Variants in AKAP17A observed in about 807,000 individuals in gnomAD.
AKAP17A encodes the protein A-kinase anchoring protein 17A.
Under a neutral mutation model 52.2 loss-of-function variants are expected in AKAP17A, and 15 were observed. That is an observed-to-expected ratio of 0.29 (90% CI 0.19 to 0.44). The LOEUF is 0.44. Ranked by LOEUF, AKAP17A falls within the 20% of genes least tolerant of loss-of-function variation. AKAP17A has a pLI of 1.00. For synonymous variants in AKAP17A, 514 were observed against 424.7 expected, an observed-to-expected ratio of 1.21 and a Z score of -2.58; for missense variants, 1,060 against 1,007.0, an observed-to-expected ratio of 1.05 and a Z score of -0.71.
At position 1,601,475 on chromosome X, in the gene AKAP17A, AGGGAGCGGAGCC is replaced by A. The variant is rs746371040; in HGVS notation, c.1980_1991del (p.Ser660_Arg663del). The A allele has an allele frequency of 4.5e-6, 7 of 1,569,220 alleles. No individual in the cohort carries two copies. Among genetic ancestry groups the A allele is most frequent in the Non-Finnish European group, 5.1e-6 (6 of 1,165,794 alleles). On this transcript the variant is annotated inframe_deletion, in exon 5 of 5. Transcript: ENST00000313871. ...GTCCCACAGCAAAGACAGGCACCGG[AGGGAGCGGAGCC>A]GGGAGCGGAGGGGCAGCGCCAGCAG...
intron 3 of AKAP17A, among the ~76,000 whole-genome samples, 173 bp from the exon 4 acceptor site, chrX:1,599,019 C>G (rs1420818259): frequency 6.6e-6 from 1 of 152,186 alleles, no homozygotes; most frequent in Non-Finnish European, 1.5e-5. Flanking sequence ...CCGGCTCACT[C>G]CTTCCACCTC....
At chrX:1,598,922 G>T (rs1389570155) in intron 3 of AKAP17A, among the ~76,000 whole-genome samples, 2 of 152,184 alleles carry the variant, frequency 1.3e-5, no homozygotes, top group East Asian at 3.9e-4. Context: ...TTTTGATGTG[G>T]TCGGTCCAGT....
intron 3 of AKAP17A, among the ~76,000 whole-genome samples, chrX:1,597,929 C>T (rs1174648214): frequency 2.0e-5 from 3 of 152,130 alleles, no homozygotes; most frequent in East Asian, 1.9e-4. Flanking sequence ...GGGCTCCACA[C>T]GCAGGGCCGT....
chrX:1,599,060 C>T (rs1297989255), intron 3 of AKAP17A, 132 bp from the exon 4 acceptor site: 3 of 1,420,932 alleles, frequency 2.1e-6, no homozygotes, highest in African/African-American at 2.9e-5. Context: ...CGAGGTCCAC[C>T]TTGGGATAAA....
At position 1,593,505 on chromosome X, in the gene AKAP17A, G is replaced by C; in HGVS notation, c.43G>C (p.Glu15Gln). 2 of 1,613,762 alleles carry C rather than the reference G, an allele frequency of 1.2e-6. No homozygotes were observed. The highest frequency in any genetic ancestry group is 1.7e-6 in the Non-Finnish European group (2 of 1,179,862). ...TIVHDTSEAV[E>Q]LCPAYGLYLK... ...CGTGCACGACACGTCTGAGGCCGTG[G>C]AGCTCTGCCCTGCTTACGGCTTGTA... The change falls in exon 2 of 5, where the codon GAG (glutamate) becomes CAG (glutamine). Residue 15 changes from glutamate to glutamine, a missense_variant. Transcript: ENST00000313871.
At position 1,601,487 on chromosome X, in the gene AKAP17A, C is replaced by T. The variant is rs759627122; in HGVS notation, c.1981C>T (p.Arg661Trp). The change falls in exon 5 of 5, where the codon CGG (arginine) becomes TGG (tryptophan). Residue 661 changes from arginine (R) to tryptophan (W), a missense_variant. Physicochemically the swap from Arg to Trp is moderately radical, Grantham distance 101 (BLOSUM62 -3). Coordinates refer to ENST00000313871, the MANE Select transcript of AKAP17A (RefSeq NM_005088.3). ...AGACAGGCACCGGAGGGAGCGGAGC[C>T]GGGAGCGGAGGGGCAGCGCCAGCAG... The part of the protein sequence containing the change: ...SKDRHRRERS[R>W]ERRGSASRKH... The T allele has an allele frequency of 1.2e-5, 18 of 1,558,160 alleles. No individual in the cohort carries two copies. The highest frequency in any genetic ancestry group is 2.3e-4 in the Middle Eastern group (1 of 4,364).
At chrX:1,599,066 A>G in intron 3 of AKAP17A, 126 bp from the exon 4 acceptor site, 1 of 1,444,848 alleles carries the variant, frequency 6.9e-7, no homozygotes, top group Non-Finnish European at 9.3e-7. Context: ...CCACCTTGGG[A>G]TAAAGAGTTA....
chrX:1,599,875 C>T, intron 4 of AKAP17A: 1 of 580,402 alleles, frequency 1.7e-6, no homozygotes. Context: ...CAGAGGGGGC[C>T]TGCCGTGGGC....
rs750245187 is a variant in AKAP17A, at chrX:1,593,979, G to A, written c.517G>A (p.Val173Ile). The A allele has an allele frequency of 1.1e-5, 18 of 1,601,748 alleles. No homozygotes were observed. Among genetic ancestry groups the A allele is most frequent in the Admixed American group, 6.8e-5 (4 of 58,940 alleles). Reference protein sequence around the residue: ...ESGSEKPSEDVLVKVFEKFGE... With the variant: ...ESGSEKPSEDILVKVFEKFGE... Reference sequence around the variant, plus strand: ...GGGCTCCGAGAAGCCCAGCGAGGACGTCCTGGTCAAGGTGTTTGAGAAGTT... The same window carrying A: ...GGGCTCCGAGAAGCCCAGCGAGGACATCCTGGTCAAGGTGTTTGAGAAGTT... Residue 173 changes from valine (V) to isoleucine (I), a missense_variant, in exon 2 of 5, where the codon GTC becomes ATC. Transcript: ENST00000313871.
chrX:1,592,068 G>A (rs1932847441), intron 1 of AKAP17A, among the ~76,000 whole-genome samples: 1 of 151,954 alleles, frequency 6.6e-6, no homozygotes, highest in African/African-American at 2.4e-5. Context: ...CGGTGTCGGA[G>A]GGCTGGGAGC....
Position 1,597,993 on chromosome X carries a change from G to C in AKAP17A, c.912-1199G>C, listed in dbSNP as rs1933102996. Among the ~76,000 whole-genome samples, 4 of 152,156 alleles carry C rather than the reference G, an allele frequency of 2.6e-5. No homozygotes were observed. The South Asian group carries it at 8.3e-4, about 31-fold the overall frequency. ...TCCTCAGAGGCTGAGCATGAGGGGA[G>C]GCCCAGGGCAGCCTCCTGCATTTCT... On this transcript the variant is annotated intron_variant, in intron 3 of 4. Transcript: ENST00000313871.
At chrX:1,599,985 C>T (rs745622107) in intron 4 of AKAP17A, 14 of 469,326 alleles carry the variant, frequency 3.0e-5, no homozygotes, top group South Asian at 1.1e-4. Flanking sequence ...CCTGCAGGCG[C>T]GACTGGTAAC....
chrX:1,602,338 T>G lies in AKAP17A; in HGVS notation c.*744T>G, dbSNP rs1420277833. The G allele has an allele frequency of 6.6e-6, 1 of 152,210 alleles. No homozygotes were observed. Among genetic ancestry groups the G allele is most frequent in the East Asian group, 1.9e-4 (1 of 5,200 alleles). 9.4% of individuals were successfully genotyped at this position (152,210 alleles called of 1,614,324 possible). A position where few individuals can be genotyped will look rare whatever the true frequency, so the allele number is the denominator to read the frequency against. The stretch of plus-strand genomic sequence containing the variant: ...TTTTTTAAGAAGCTGTTTTGCTAAA[T>G]TATTTTTACTTGGAATGTTTCAAAC... On this transcript the variant is annotated 3_prime_UTR_variant, in exon 5 of 5. Transcript: ENST00000313871.
chrX:1,591,726 C>T lies in AKAP17A; in HGVS notation c.-63C>T, dbSNP rs1361424865. 1 of 151,726 alleles carries T rather than the reference C, an allele frequency of 6.6e-6. No individual in the cohort carries two copies. The highest frequency in any genetic ancestry group is 2.4e-5 in the African/African-American group (1 of 41,300). The allele number at this position is 151,726 out of a possible 1,614,324, so 9.4% of individuals were successfully genotyped here. A position where few individuals can be genotyped will look rare whatever the true frequency, so the allele number is the denominator to read the frequency against. ...CGTCGAGGGACGGCGGGAGCTTGGG[C>T]CAGCGGCGGCGGCGGCCTGGGACGC... On this transcript the variant is annotated 5_prime_UTR_variant, in exon 1 of 5. Transcript: ENST00000313871.
At chrX:1,598,752 A>G (rs1350687194) in intron 3 of AKAP17A, among the ~76,000 whole-genome samples, 1 of 152,180 alleles carries the variant, frequency 6.6e-6, no homozygotes, top group Non-Finnish European at 1.5e-5. Context: ...GTGCCCTCAC[A>G]GGAGTCCTGC....
Position 1,600,773 on chromosome X carries a change from C to T in AKAP17A, c.1267C>T (p.Arg423Cys), listed in dbSNP as rs1292999436. Reference protein sequence around the residue: ...ELRRVEEEKERALGLQRKERE... With the variant: ...ELRRVEEEKECALGLQRKERE... ...GCGGCGCGTGGAGGAGGAGAAGGAGCGCGCGCTGGGCCTGCAGCGGAAAGA... is the reference window on the plus strand; with the variant it reads ...GCGGCGCGTGGAGGAGGAGAAGGAGTGCGCGCTGGGCCTGCAGCGGAAAGA... The change falls in exon 5 of 5, where the codon CGC becomes TGC. Residue 423 changes from arginine to cysteine, a missense_variant. By Grantham distance (180) the Arg-to-Cys change is radical. This residue lies in a region of AKAP17A where 793 missense variants were observed against 629.9 expected (regional missense o/e 1.26). Transcript: ENST00000313871. 1.0e-5 allele frequency: 16 copies of T among 1,571,362 alleles called. No individual in the cohort carries two copies. The highest frequency in any genetic ancestry group is 2.3e-5 in the South Asian group (2 of 86,482).
rs192298160 is a variant in AKAP17A at position 1,600,465 on chromosome X, C to T, written c.1153-194C>T. On this transcript the variant is annotated intron_variant, in intron 4 of 4. Transcript: ENST00000313871. ...CGCATGATGGCCCCAGGTGTGGCCG[C>T]GGGAGCCGAGGGATGGACGGGCTGG... Among the ~76,000 whole-genome samples the T allele has an allele frequency of 4.1e-4, 63 of 152,212 alleles. No homozygotes were observed. In the East Asian group the frequency reaches 8.4e-3, roughly 20 times the overall value.
At chrX:1,595,962 G>A (rs1426412817) in intron 3 of AKAP17A, among the ~76,000 whole-genome samples, 3 of 152,178 alleles carry the variant, frequency 2.0e-5, no homozygotes, top group African/African-American at 7.2e-5. Context: ...GCTCAGCTGT[G>A]CACGTGAGGA....
At chrX:1,598,480 C>T (rs148051328) in intron 3 of AKAP17A, among the ~76,000 whole-genome samples, 3,167 of 152,220 alleles carry the variant, frequency 0.021, 48 homozygotes, top group East Asian at 0.059. Flanking sequence ...GCCTCCGTGT[C>T]GTGTTCCATA....
Sources: allele counts gnomAD v4.1 joint callset (sites outside exome capture counted in the v4.1 genomes callset), GRCh38; gene constraint gnomAD v4.1.1; regional missense constraint gnomAD v4.1.1; transcripts MANE v1.5; gene names NCBI Gene and HGNC (gene_info 2026-07-23, HGNC 2026-07-21).